The following GRID2 variants were observed in gnomAD, a reference collection of about 807,000 sequenced individuals.
GRID2 encodes glutamate receptor ionotropic, delta-2.
In GRID2, 33 loss-of-function variants were observed where a neutral mutation model predicts 114.8. That is an observed-to-expected ratio of 0.29 (90% CI 0.22 to 0.38). GRID2 has a LOEUF of 0.38. Ranked by LOEUF, GRID2 falls within the 10% of genes least tolerant of loss-of-function variation. GRID2 has a pLI of 1.00. For synonymous variants in GRID2, 505 were observed against 449.9 expected, an observed-to-expected ratio of 1.12 and a Z score of -1.55; for missense variants, 1,184 against 1,257.7, an observed-to-expected ratio of 0.94 and a Z score of 0.89.
rs1242227625 is a variant in GRID2, at chr4:92,413,473, G to A, written c.88+108729G>A. On this transcript the variant is annotated intron_variant, in intron 1 of 15. Transcript: ENST00000282020. ...GTTTGAGTGCCAGTTAACTATCCAA[G>A]TCAGTAGTAAGATTAGATTGTGGGC... Among the ~76,000 whole-genome samples the A allele has an allele frequency of 2.0e-5, 3 of 152,154 alleles. No individual in the cohort carries two copies. In the East Asian group the frequency reaches 5.8e-4, roughly 29 times the overall value.
At chr4:93,677,645 A>G (rs1469931708) in intron 14 of GRID2, among the ~76,000 whole-genome samples, 1 of 152,106 alleles carries the variant, frequency 6.6e-6, no homozygotes, top group Non-Finnish European at 1.5e-5. Flanking sequence ...TTCTGCAGAC[A>G]CCGCTGCTGA....
In GRID2 at chr4:93,700,882, T is replaced by C. The variant is rs564153336; in HGVS notation, c.2361-68328T>C. Among the ~76,000 whole-genome samples, 3 of 152,250 alleles carry C rather than the reference T, an allele frequency of 2.0e-5. No homozygotes were observed. In the South Asian group the frequency reaches 6.2e-4, roughly 32 times the overall value. On this transcript the variant is annotated intron_variant, in intron 14 of 15. Coordinates refer to ENST00000282020, the MANE Select transcript of GRID2 (RefSeq NM_001510.4). The stretch of plus-strand genomic sequence containing the variant: ...ATCTTTGAACAATTCCATATGCTCT[T>C]GTGAAGCTATCAATTCTTTCTTTTC...
chr4:92,422,581 T>G (rs921932652), intron 1 of GRID2, among the ~76,000 whole-genome samples: 1 of 151,958 alleles, frequency 6.6e-6, no homozygotes, highest in Non-Finnish European at 1.5e-5. Flanking sequence ...ATTGAAGCTG[T>G]CCTCTTGTGT....
intron 13 of GRID2, among the ~76,000 whole-genome samples, chr4:93,594,354 G>C (rs569791908): frequency 0.032 from 4,925 of 152,270 alleles, 252 homozygotes; most frequent in African/African-American, 0.11. Context: ...GTGCCTCCCA[G>C]TTAGGCTGCT....
chr4:92,320,294 G>A (rs996198261), intron 1 of GRID2, among the ~76,000 whole-genome samples: 2 of 151,968 alleles, frequency 1.3e-5, no homozygotes, highest in African/African-American at 2.4e-5. Context: ...TCTTTTTCTA[G>A]CTTTTCCTCA....
chr4:93,787,760 A>C (rs6840263), intron 1 of GRID2, among the ~76,000 whole-genome samples: 142,723 of 152,188 alleles, frequency 0.94, 66,980 homozygotes, highest in East Asian at 0.98. Context: ...TATTGAATGG[A>C]ACGATTGATT....
At chr4:93,144,331 AT>A (rs1208074844) in intron 4 of GRID2, among the ~76,000 whole-genome samples, 1 of 152,212 alleles carries the variant, frequency 6.6e-6, no homozygotes, top group East Asian at 1.9e-4. Context: ...TGTTGTGATT[AT>A]TTTTAAGGAG....
chr4:93,460,955 G>T (rs1414233788), intron 11 of GRID2, among the ~76,000 whole-genome samples: 2 of 152,080 alleles, frequency 1.3e-5, no homozygotes, highest in African/African-American at 2.4e-5. Flanking sequence ...ACATACTTAT[G>T]AATTGGCTTT....
chr4:92,440,531 G>A (rs1372367303), intron 1 of GRID2, among the ~76,000 whole-genome samples: 1 of 151,934 alleles, frequency 6.6e-6, no homozygotes, highest in East Asian at 1.9e-4. Context: ...GTAGGGAAGG[G>A]AGGGGGCCTG....
At chr4:92,863,931 C>T (rs1482264152) in intron 2 of GRID2, among the ~76,000 whole-genome samples, 2 of 152,100 alleles carry the variant, frequency 1.3e-5, no homozygotes, top group African/African-American at 2.4e-5. Flanking sequence ...CTCAGCCATT[C>T]AGTTCAAAGG....
chr4:93,224,667 T>G lies in GRID2; in HGVS notation c.1017T>G (p.His339Gln). The G allele has an allele frequency of 6.2e-7, 1 of 1,611,820 alleles. No individual in the cohort carries two copies. The highest frequency in any genetic ancestry group is 8.5e-7 in the Non-Finnish European group (1 of 1,178,242). The change falls in exon 7 of 16, where the codon CAT becomes CAG. Residue 339 changes from histidine (H) to glutamine (Q), a missense_variant. Around this residue, in one of 3 missense-constraint regions of GRID2, gnomAD observed 455 missense variants for 429.5 expected, o/e 1.06. Coordinates refer to ENST00000282020, the MANE Select transcript of GRID2 (RefSeq NM_001510.4). ...DTVLLLANAF[H>Q]KKLEDRKWHS... ...TGCTTCTGCTTGCTAATGCTTTTCATAAGAAGCTGGAGGACCGAAAGTGGC... is the reference window on the plus strand; with the variant it reads ...TGCTTCTGCTTGCTAATGCTTTTCAGAAGAAGCTGGAGGACCGAAAGTGGC...
Position 93,455,812 on chromosome 4 carries a change from G to C in GRID2, c.1696G>C (p.Asp566His). 1 of 1,613,796 alleles carries C rather than the reference G, an allele frequency of 6.2e-7. No homozygotes were observed. The highest frequency in any genetic ancestry group is 8.5e-7 in the Non-Finnish European group (1 of 1,179,792). Residue 566 changes from aspartate (D) to histidine (H), a missense_variant, in exon 11 of 16, where the codon GAT (aspartate) becomes CAT (histidine). Asp to His is a moderately conservative substitution (Grantham distance 81). Coordinates refer to ENST00000282020, the MANE Select transcript of GRID2 (RefSeq NM_001510.4). Reference protein sequence around the residue: ...VDMFACLAPFDLSLWACIAGT... With the variant: ...VDMFACLAPFHLSLWACIAGT... ...TATGTTTGCCTGTCTTGCACCATTT[G>C]ATCTCTCTCTATGGGCTTGCATTGC...
chr4:92,878,960 G>C (rs186543133), intron 2 of GRID2, among the ~76,000 whole-genome samples: 82 of 152,150 alleles, frequency 5.4e-4, no homozygotes, highest in African/African-American at 1.7e-3. Flanking sequence ...ACGTTTTGCT[G>C]CTCACCAAGC....
intron 10 of GRID2, among the ~76,000 whole-genome samples, chr4:93,432,606 A>G (rs1769522544): frequency 6.6e-6 from 1 of 152,130 alleles, no homozygotes; most frequent in Non-Finnish European, 1.5e-5. Context: ...TGAGGGAGGG[A>G]GGGATGAATA....
chr4:93,018,985 G>C (rs746490359), intron 2 of GRID2, among the ~76,000 whole-genome samples: 5 of 152,128 alleles, frequency 3.3e-5, no homozygotes, highest in Non-Finnish European at 7.4e-5. Context: ...TGCATATTTA[G>C]TAGTATTTTA....
chr4:92,323,393 C>G (rs1726422977), intron 1 of GRID2, among the ~76,000 whole-genome samples: 1 of 152,094 alleles, frequency 6.6e-6, no homozygotes, highest in South Asian at 2.1e-4. Context: ...TATTCAACCT[C>G]TACAAACTTT....
At chr4:93,514,287 GACAAATAGATACTATCTGTA>G (rs1317261482) in intron 12 of GRID2, among the ~76,000 whole-genome samples, 1 of 151,924 alleles carries the variant, frequency 6.6e-6, no homozygotes, top group Non-Finnish European at 1.5e-5. Context: ...GATAACCTGG[GACAAATAGATACTATCTGTA>G]ACATAAAAGA....
intron 2 of GRID2, among the ~76,000 whole-genome samples, chr4:92,800,490 A>T (rs1256076685): frequency 6.6e-6 from 1 of 152,006 alleles, no homozygotes; most frequent in Admixed American, 6.6e-5. Flanking sequence ...AAAATAGCAC[A>T]TATATCAATA....
intron 2 of GRID2, among the ~76,000 whole-genome samples, chr4:92,651,546 A>G (rs1289781970): frequency 6.6e-6 from 1 of 152,062 alleles, no homozygotes; most frequent in African/African-American, 2.4e-5. Flanking sequence ...TCACCCTTTG[A>G]TAAGTATTCA....
Sources: gnomAD v4.1 joint callset for allele counts (sites outside exome capture counted in the v4.1 genomes callset) on GRCh38, gnomAD v4.1.1 for gene constraint, gnomAD v4.1.1 regional missense constraint, MANE v1.5 for transcripts, NCBI Gene and HGNC (gene_info 2026-07-23, HGNC 2026-07-21) for gene names.